The following POM121C variants were observed in gnomAD, a reference collection of about 807,000 sequenced individuals.
POM121C encodes nuclear envelope pore membrane protein POM 121C.
In POM121C, 20 loss-of-function variants were observed where a neutral mutation model predicts 66.4. That is an observed-to-expected ratio of 0.30 (90% CI 0.21 to 0.44). POM121C has a LOEUF of 0.44. Ranked by LOEUF, POM121C falls within the 20% of genes least tolerant of loss-of-function variation. The pLI is 1.00. For synonymous variants in POM121C, 286 were observed against 528.0 expected, an observed-to-expected ratio of 0.54 and a Z score of 6.28; for missense variants, 580 against 1,225.7, an observed-to-expected ratio of 0.47 and a Z score of 7.87.
At chr7:75,454,964 T>C (rs1223415010) in intron 3 of POM121C, among the ~76,000 whole-genome samples, 1 of 152,254 alleles carries the variant, frequency 6.6e-6, no homozygotes, top group Non-Finnish European at 1.5e-5. Context: ...CTCGAGCTGC[T>C]GGTCTTGTCT....
At chr7:75,421,302 G>A in intron 13 of POM121C, 1 of 1,318,738 alleles carries the variant, frequency 7.6e-7, no homozygotes, top group Non-Finnish European at 1.0e-6. Context: ...TAAGTACTCA[G>A]AAGGCCTTTG....
At chr7:75,435,993 G>C (rs1431917212) in intron 7 of POM121C, among the ~76,000 whole-genome samples, 4 of 151,742 alleles carry the variant, frequency 2.6e-5, no homozygotes, top group African/African-American at 9.7e-5. Flanking sequence ...AGAGATTGCA[G>C]TGAGCCAAGG....
At chr7:75,470,147 C>T (rs1791814289) in intron 3 of POM121C, among the ~76,000 whole-genome samples, 2 of 136,694 alleles carry the variant, frequency 1.5e-5, no homozygotes, top group African/African-American at 5.3e-5. Context: ...AACTCCTGAA[C>T]TCGGCCTCCC....
At chr7:75,482,951 G>T (rs4730404) in intron 1 of POM121C, among the ~76,000 whole-genome samples, 5 of 152,180 alleles carry the variant, frequency 3.3e-5, no homozygotes, top group South Asian at 2.1e-4. Flanking sequence ...ACGAAAACAC[G>T]GAGAAGTGAA....
intron 3 of POM121C, among the ~76,000 whole-genome samples, chr7:75,447,912 T>A (rs1790880233): frequency 6.6e-6 from 1 of 151,606 alleles, no homozygotes; most frequent in Non-Finnish European, 1.5e-5. Context: ...TAGTCCCAGC[T>A]GCTCGGGAGG....
At chr7:75,419,692 C>G in intron 13 of POM121C, 1 of 504,542 alleles carries the variant, frequency 2.0e-6, no homozygotes. Flanking sequence ...TGCCCCGCAG[C>G]CACCTCGTGG....
At chr7:75,428,285 G>A (rs192383751) in intron 7 of POM121C, among the ~76,000 whole-genome samples, 40 of 152,260 alleles carry the variant, frequency 2.6e-4, no homozygotes, top group African/African-American at 8.2e-4. Flanking sequence ...GACTACAGGA[G>A]CATGCCACCA....
intron 12 of POM121C, among the ~76,000 whole-genome samples, chr7:75,423,624 T>C (rs1483437138): frequency 3.3e-5 from 5 of 151,710 alleles, no homozygotes; most frequent in Middle Eastern, 3.2e-3. Context: ...TAAAGAGGTG[T>C]GCGCGCGCAG....
chr7:75,441,960 C>T (rs1790665812), intron 3 of POM121C, among the ~76,000 whole-genome samples: 1 of 65,364 alleles, frequency 1.5e-5, no homozygotes, highest in Non-Finnish European at 3.6e-5. Context: ...TTTGGCAACA[C>T]ATCTCACACC....
rs1340279610 is a variant in POM121C, at chr7:75,486,003, G to A, written c.-597C>T. 11 of 480,210 alleles carry A rather than the reference G, an allele frequency of 2.3e-5. No individual in the cohort carries two copies. The highest frequency in any genetic ancestry group is 1.2e-4 in the African/African-American group (6 of 50,956). 29.7% of individuals were successfully genotyped at this position (480,210 alleles called of 1,614,324 possible). On this transcript the variant is annotated 5_prime_UTR_variant, in exon 1 of 15. Transcript: ENST00000615331. ...GTTCTGCTCCCGAGGGGCCCGGGCC[G>A]GGCCTACGGGGCAAATCCAGGCGGG...
chr7:75,446,960 A>ATGGC (rs1790833127), intron 3 of POM121C, among the ~76,000 whole-genome samples: 1 of 127,218 alleles, frequency 7.9e-6, no homozygotes, highest in South Asian at 2.9e-4. Flanking sequence ...GTTAGCCGAT[A>ATGGC]TGGCGCCACT....
At chr7:75,475,941 T>G (rs1287320767) in intron 1 of POM121C, among the ~76,000 whole-genome samples, 1 of 151,686 alleles carries the variant, frequency 6.6e-6, no homozygotes, top group Non-Finnish European at 1.5e-5. Flanking sequence ...AAGAATATGA[T>G]GAGGTGTAAA....
chr7:75,464,753 G>C (rs1367764414), intron 3 of POM121C, among the ~76,000 whole-genome samples: 2 of 130,598 alleles, frequency 1.5e-5, no homozygotes, highest in Non-Finnish European at 3.2e-5. Context: ...CTACTCGAGA[G>C]GCTGAGACAG....
chr7:75,421,964 A>T lies in POM121C; in HGVS notation c.2288T>A (p.Ile763Asn). 2 of 1,613,842 alleles carry T rather than the reference A, an allele frequency of 1.2e-6. No homozygotes were observed. Among genetic ancestry groups the T allele is most frequent in the Non-Finnish European group, 1.7e-6 (2 of 1,179,884 alleles). ...KIVPAHVPTPIQPTFGGATHS... is the reference protein window; with the variant it reads ...KIVPAHVPTPNQPTFGGATHS... ...CGTGGCACCGCCAAAGGTAGGCTGG[A>T]TGGGCGTAGGCACGTGCGCAGGCAC... The change falls in exon 13 of 15, where the codon ATC becomes AAC. Residue 763 changes from isoleucine (I) to asparagine (N), a missense_variant. By Grantham distance (149) the Ile-to-Asn change is moderately radical (BLOSUM62 -3). Coordinates refer to ENST00000615331, the MANE Select transcript of POM121C (RefSeq NM_001099415.3).
intron 5 of POM121C, 34 bp from the exon 6 acceptor site, chr7:75,439,258 A>T: frequency 6.2e-7 from 1 of 1,613,590 alleles, no homozygotes; most frequent in African/African-American, 1.3e-5. Flanking sequence ...AAATGAAATG[A>T]CATGACTTTG....
At chr7:75,439,364 A>T in intron 5 of POM121C, 140 bp from the exon 6 acceptor site, 24 of 1,309,740 alleles carry the variant, frequency 1.8e-5, no homozygotes, top group Non-Finnish European at 2.5e-5. Flanking sequence ...GTTGTTTAAA[A>T]TCCCTAAGTT....
Position 75,421,951 on chromosome 7 carries a change from A to G in POM121C, c.2301T>C (p.Phe767=), listed in dbSNP as rs1554470737. ...AHVPTPIQPT[F]GGATHSAFGL... is the part of the protein sequence containing the mutation. ...CAAACGCCGAGTGCGTGGCACCGCC[A>G]AAGGTAGGCTGGATGGGCGTAGGCA... The change falls in exon 13 of 15, where the codon TTT becomes TTC. Residue 767 remains phenylalanine, a synonymous_variant. Coordinates refer to ENST00000615331, the MANE Select transcript of POM121C (RefSeq NM_001099415.3). 3.1e-6 allele frequency: 5 copies of G among 1,613,776 alleles called. No individual in the cohort carries two copies. Among genetic ancestry groups the G allele is most frequent in the African/African-American group, 1.3e-5 (1 of 75,080 alleles).
chr7:75,419,021 C>T (rs1482032809), intron 14 of POM121C, 128 bp from the exon 15 acceptor site: 29 of 1,454,794 alleles, frequency 2.0e-5, no homozygotes, highest in East Asian at 1.3e-4. Context: ...TTCCCCGCTG[C>T]GTCAGAAACA....
intron 3 of POM121C, among the ~76,000 whole-genome samples, chr7:75,464,724 C>A (rs1191261414): frequency 7.1e-6 from 1 of 140,436 alleles, no homozygotes; most frequent in Non-Finnish European, 1.5e-5. Flanking sequence ...GGCATGGTGG[C>A]GGGCACCTGT....
Sources: gnomAD v4.1 joint callset for allele counts (sites outside exome capture counted in the v4.1 genomes callset) on GRCh38, gnomAD v4.1.1 for gene constraint, MANE v1.5 for transcripts, NCBI Gene and HGNC (gene_info 2026-07-23, HGNC 2026-07-21) for gene names.